Variants in STAU1 observed in about 807,000 individuals in gnomAD.
STAU1 encodes the protein double-stranded RNA-binding protein Staufen homolog 1.
STAU1 carries 13 observed loss-of-function variants against 62.9 expected under a neutral mutation model. The observed-to-expected ratio is 0.21, with a 90% CI of 0.13 to 0.33. The LOEUF (loss-of-function observed/expected upper bound fraction) is 0.33, where lower values mean the gene tolerates loss of function less well. Ranked by LOEUF, STAU1 falls within the 10% of genes least tolerant of loss-of-function variation. STAU1 has a pLI of 1.00. For missense variants in STAU1, 571 were observed against 712.1 expected (o/e 0.80, Z 2.25); for synonymous variants, 269 against 265.1 (o/e 1.01, Z -0.14).
rs1484726252 is a variant in STAU1, at chr20:49,166,272, G to A, written c.-71C>T. 5 of 1,377,442 alleles carry A rather than the reference G, an allele frequency of 3.6e-6. No homozygotes were observed. The highest frequency in any genetic ancestry group is 5.1e-6 in the Non-Finnish European group (5 of 984,296). The allele number at this position is 1,377,442 out of a possible 1,614,324, so 85.3% of individuals were successfully genotyped here. A position where few individuals can be genotyped will look rare whatever the true frequency, so the allele number is the denominator to read the frequency against. Reference sequence around the variant, plus strand: ...GTGCAGGTTAATTCAGTGCTATGAAGTCTAAAGTTCTACCTAAAAGTTGTA... The same window carrying A: ...GTGCAGGTTAATTCAGTGCTATGAAATCTAAAGTTCTACCTAAAAGTTGTA... On this transcript the variant is annotated 5_prime_UTR_variant, in exon 3 of 14. Transcript: ENST00000371856.
At chr20:49,129,097 C>T (rs2092695413) in intron 6 of STAU1, among the ~76,000 whole-genome samples, 1 of 151,438 alleles carries the variant, frequency 6.6e-6, no homozygotes. Context: ...ATAGAACCTC[C>T]AAAACTCAAT....
chr20:49,143,592 C>G (rs1384877176), intron 5 of STAU1, among the ~76,000 whole-genome samples: 1 of 152,104 alleles, frequency 6.6e-6, no homozygotes, highest in Non-Finnish European at 1.5e-5. Flanking sequence ...GACCCTATTT[C>G]AAAACAAAAC....
chr20:49,148,336 T>C (rs2093171012), intron 5 of STAU1, among the ~76,000 whole-genome samples: 1 of 152,212 alleles, frequency 6.6e-6, no homozygotes. Context: ...AAAATTACAT[T>C]CAGGCTTTCT....
intron 3 of STAU1, 84 bp downstream of exon 3, chr20:49,165,913 G>A: frequency 2.9e-6 from 4 of 1,376,010 alleles, no homozygotes; most frequent in Non-Finnish European, 4.1e-6. Flanking sequence ...AAATGTGAGA[G>A]CTCCCTAAAT....
chr20:49,127,827 A>T (rs935474515), intron 6 of STAU1, among the ~76,000 whole-genome samples: 4 of 152,168 alleles, frequency 2.6e-5, no homozygotes, highest in African/African-American at 9.7e-5. Flanking sequence ...AGCCTGGGCA[A>T]CATGGCAAAA....
chr20:49,214,281 G>A, the STAU1 span, among the ~76,000 whole-genome samples: 1 of 152,150 alleles, frequency 6.6e-6, no homozygotes, highest in South Asian at 2.1e-4. Context: ...ACTTTGGGAG[G>A]CCAAGGCAGG....
chr20:49,120,664 G>C (rs2092445061), intron 8 of STAU1, among the ~76,000 whole-genome samples: 1 of 152,330 alleles, frequency 6.6e-6, no homozygotes, highest in East Asian at 1.9e-4. Context: ...GAAGTCTGCA[G>C]CCATTACATT....
At position 49,161,045 on chromosome 20, in the gene STAU1, G is replaced by A. The variant is rs2093440290; in HGVS notation, c.205+4952C>T. On this transcript the variant is annotated intron_variant, in intron 3 of 13. Transcript: ENST00000371856. ...TTTTAAAAGCAAAATATGGCCAGGC[G>A]GGGTGGCTAACACCTGTAATCCCAG... 3.3e-5 allele frequency among the ~76,000 whole-genome samples: 5 copies of A among 151,986 alleles called. No homozygotes were observed. In the South Asian group the frequency reaches 1.0e-3, roughly 32 times the overall value.
At chr20:49,199,745 G>C in the STAU1 span, among the ~76,000 whole-genome samples, 3 of 151,690 alleles carry the variant, frequency 2.0e-5, no homozygotes, top group East Asian at 5.8e-4. Flanking sequence ...GCTAAGTTTT[G>C]TATTTTTTAG....
the STAU1 span, among the ~76,000 whole-genome samples, chr20:49,194,429 C>CAAAAAAAAAA: frequency 2.5e-5 from 2 of 81,156 alleles, no homozygotes; most frequent in Admixed American, 1.4e-4. Context: ...AACTCCGTCT[C>CAAAAAAAAAA]AAAAAAAAAA....
At chr20:49,173,721 T>C (rs1275049553) in intron 2 of STAU1, among the ~76,000 whole-genome samples, 5 of 152,174 alleles carry the variant, frequency 3.3e-5, no homozygotes, top group Admixed American at 6.5e-5. Context: ...TCTTGAACAC[T>C]CTTAGAAAAC....
upstream of STAU1, among the ~76,000 whole-genome samples, chr20:49,190,406 C>T (rs1288695555): frequency 6.6e-6 from 1 of 152,186 alleles, no homozygotes; most frequent in Non-Finnish European, 1.5e-5. Context: ...ACCTCAGCCT[C>T]CTGAGTAGCT....
At chr20:49,145,428 A>G (rs1482160505) in intron 5 of STAU1, among the ~76,000 whole-genome samples, 2 of 141,064 alleles carry the variant, frequency 1.4e-5, no homozygotes, top group African/African-American at 2.6e-5. Flanking sequence ...CGTCTCAAAA[A>G]AAAAAAAAAA....
At chr20:49,153,739 A>AAAAGAAAG in intron 4 of STAU1, among the ~76,000 whole-genome samples, 194 bp downstream of exon 4, 1 of 145,368 alleles carries the variant, frequency 6.9e-6, no homozygotes. Flanking sequence ...AAAAAAAAAA[A>AAAAGAAAG]AAAGAAAGAA....
At position 49,117,614 on chromosome 20, in the gene STAU1, C is replaced by T. The variant is rs953203960; in HGVS notation, c.1509+163G>A. Among the ~76,000 whole-genome samples the T allele has an allele frequency of 1.4e-4, 22 of 152,222 alleles. No individual in the cohort carries two copies. The highest frequency in any genetic ancestry group is 5.3e-4 in the African/African-American group (22 of 41,450). On this transcript the variant is annotated intron_variant, in intron 11 of 13. Coordinates refer to ENST00000371856, the MANE Select transcript of STAU1 (RefSeq NM_017453.4). This position sits in a 1 kb window ranked among gnomAD's most constrained non-coding sequence, Gnocchi z 4.6. ...ATATTTCTCTTACCACATATGCTTACAATACTTCTATACCTCCTACCCTTC... is the reference window on the plus strand; with the variant it reads ...ATATTTCTCTTACCACATATGCTTATAATACTTCTATACCTCCTACCCTTC...
At chr20:49,132,481 G>A (rs1256511996) in intron 6 of STAU1, among the ~76,000 whole-genome samples, 2 of 152,134 alleles carry the variant, frequency 1.3e-5, no homozygotes, top group Non-Finnish European at 1.5e-5. Flanking sequence ...CAAACTGGCT[G>A]GGCACGGTGG....
chr20:49,202,230 A>AAAAGAAAGAAAGAAATAAAGAAAGAAAG, the STAU1 span, among the ~76,000 whole-genome samples: 1 of 130,366 alleles, frequency 7.7e-6, no homozygotes, highest in Non-Finnish European at 1.6e-5. Flanking sequence ...AAAAAAAAAA[A>AAAAGAAAGAAAGAAATAAAGAAAGAAAG]AAAGAAAGAA....
chr20:49,141,533 G>A (rs1336299351), intron 5 of STAU1, among the ~76,000 whole-genome samples: 1 of 152,204 alleles, frequency 6.6e-6, no homozygotes, highest in East Asian at 1.9e-4. Flanking sequence ...GGAGTTTAAG[G>A]CTGCAGTGAG....
At chr20:49,216,033 A>AAG in the STAU1 span, among the ~76,000 whole-genome samples, 11 of 104,564 alleles carry the variant, frequency 1.1e-4, no homozygotes, top group African/African-American at 4.0e-4. Context: ...AAAAAAAAAA[A>AAG]AAGAAGAAGA....
Sources: allele counts gnomAD v4.1 joint callset (sites outside exome capture counted in the v4.1 genomes callset), GRCh38; gene constraint gnomAD v4.1.1; non-coding constraint Gnocchi (gnomAD v3.1); transcripts MANE v1.5; gene names NCBI Gene and HGNC (gene_info 2026-07-23, HGNC 2026-07-21).